Variants in BAIAP2L1 observed in about 807,000 individuals in gnomAD.
The protein encoded by BAIAP2L1 is BAR/IMD domain-containing adapter protein 2-like 1.
A neutral mutation model predicts 66.3 loss-of-function variants in BAIAP2L1; 35 were observed. The observed-to-expected ratio is 0.53, with a 90% CI of 0.40 to 0.70. BAIAP2L1 has a LOEUF of 0.70. BAIAP2L1 is among the 30% of genes least tolerant of loss of function. The pLI is 0.00. For synonymous variants in BAIAP2L1, 269 were observed against 248.7 expected, an observed-to-expected ratio of 1.08 and a Z score of -0.77; for missense variants, 622 against 656.9, an observed-to-expected ratio of 0.95 and a Z score of 0.58.
chr7:98,343,246 A>C (rs1369311014), intron 3 of BAIAP2L1, among the ~76,000 whole-genome samples: 2 of 85,574 alleles, frequency 2.3e-5, no homozygotes, highest in East Asian at 3.6e-4. Flanking sequence ...GGAAAAAAAA[A>C]ATACACACAC....
chr7:98,317,133 G>A (rs898807238), intron 6 of BAIAP2L1, 86 bp downstream of exon 6: 123 of 1,554,592 alleles, frequency 7.9e-5, no homozygotes, highest in East Asian at 2.3e-4. Flanking sequence ...GATTACAGGC[G>A]TGAGCCACCG....
At chr7:98,381,293 G>A (rs1221083035) in intron 1 of BAIAP2L1, among the ~76,000 whole-genome samples, 2 of 152,170 alleles carry the variant, frequency 1.3e-5, no homozygotes, top group African/African-American at 4.8e-5. Context: ...AAAACTCTCC[G>A]TGAGAATTTC....
chr7:98,355,332 C>G lies in BAIAP2L1; in HGVS notation c.128-204G>C, dbSNP rs1382483423. ...CAGCCAAGGGACAGCCCCATGAGATCCTCGTCTCTGACCAGCCCCGGGGAA... is the reference window on the plus strand; with the variant it reads ...CAGCCAAGGGACAGCCCCATGAGATGCTCGTCTCTGACCAGCCCCGGGGAA... On this transcript the variant is annotated intron_variant, in intron 2 of 13. Coordinates refer to ENST00000005260, the MANE Select transcript of BAIAP2L1 (RefSeq NM_018842.5). 6.9e-6 allele frequency: 4 copies of G among 582,222 alleles called. No homozygotes were observed. The African/African-American group carries it at 7.5e-5, about 11-fold the overall frequency. 36.1% of individuals were successfully genotyped at this position (582,222 alleles called of 1,614,324 possible).
chr7:98,387,912 A>C (rs533172225), intron 1 of BAIAP2L1, among the ~76,000 whole-genome samples: 5 of 152,150 alleles, frequency 3.3e-5, no homozygotes, highest in Admixed American at 2.6e-4. Context: ...CAACCAAAAA[A>C]ACCTTCAAGG....
chr7:98,349,762 C>A (rs1263699620), intron 3 of BAIAP2L1, among the ~76,000 whole-genome samples: 3 of 151,416 alleles, frequency 2.0e-5, no homozygotes, highest in Non-Finnish European at 2.9e-5. Flanking sequence ...GTAATCCCAG[C>A]ACTTTGGGAG....
rs138388834 is a variant in BAIAP2L1 at position 98,387,268 on chromosome 7, T to A, written c.51+13534A>T. 3.3e-5 allele frequency among the ~76,000 whole-genome samples: 5 copies of A among 152,272 alleles called. No homozygotes were observed. The East Asian group carries it at 9.7e-4, about 29-fold the overall frequency. On this transcript the variant is annotated intron_variant, in intron 1 of 13. Transcript: ENST00000005260. ...TCCTGTCACAGCTATAAACTCTGGATGGGCACAGACCTTCTTTGTCTTTTC... is the reference window on the plus strand; with the variant it reads ...TCCTGTCACAGCTATAAACTCTGGAAGGGCACAGACCTTCTTTGTCTTTTC...
At chr7:98,293,726 C>T (rs1800066142) in intron 13 of BAIAP2L1, 130 bp from the exon 14 acceptor site, 3 of 842,462 alleles carry the variant, frequency 3.6e-6, no homozygotes, top group Admixed American at 2.2e-5. Flanking sequence ...GTACAGGTCC[C>T]AGCAGCGTTT....
chr7:98,307,376 G>T, intron 10 of BAIAP2L1: 1 of 1,177,632 alleles, frequency 8.5e-7, no homozygotes, highest in Non-Finnish European at 1.1e-6. Flanking sequence ...AAAGTGCTGG[G>T]ATTACAAGCA....
intron 3 of BAIAP2L1, among the ~76,000 whole-genome samples, chr7:98,340,287 T>G (rs1276083859): frequency 6.6e-6 from 1 of 151,934 alleles, no homozygotes; most frequent in Non-Finnish European, 1.5e-5. Context: ...ATAAGTAATA[T>G]TTATTTCTTT....
intron 3 of BAIAP2L1, among the ~76,000 whole-genome samples, chr7:98,333,325 C>T (rs762817350): frequency 3.8e-4 from 58 of 151,800 alleles, no homozygotes; most frequent in African/African-American, 5.3e-4. Context: ...GGGCCAGGTG[C>T]GGTGGCTCAC....
At chr7:98,399,219 G>A (rs1034654120) in intron 1 of BAIAP2L1, among the ~76,000 whole-genome samples, 2 of 152,162 alleles carry the variant, frequency 1.3e-5, no homozygotes, top group African/African-American at 4.8e-5. Context: ...GAATAGAAGA[G>A]TTTTTGGTCA....
intron 3 of BAIAP2L1, among the ~76,000 whole-genome samples, chr7:98,343,274 C>G (rs1053907291): frequency 2.7e-5 from 4 of 150,304 alleles, no homozygotes; most frequent in African/African-American, 9.8e-5. Flanking sequence ...CACACACACA[C>G]ACACACACAC....
In BAIAP2L1 at chr7:98,377,443, G is replaced by A. The variant is rs565794227; in HGVS notation, c.52-15011C>T. The stretch of plus-strand genomic sequence containing the variant: ...CCTGAAACCACCGTGTCAAAGTGCT[G>A]TTTTGCCATGTTCTCCCCAACACTT... On this transcript the variant is annotated intron_variant, in intron 1 of 13. Transcript: ENST00000005260. Among the ~76,000 whole-genome samples, 133 of 152,242 alleles carry A rather than the reference G, an allele frequency of 8.7e-4. 1 individual carries two copies. The highest frequency in any genetic ancestry group is 3.4e-3 in the Middle Eastern group (1 of 294).
intron 6 of BAIAP2L1, among the ~76,000 whole-genome samples, chr7:98,316,838 T>G (rs1801088411): frequency 6.6e-6 from 1 of 151,292 alleles, no homozygotes; most frequent in South Asian, 2.1e-4. Context: ...ATCATTCTAC[T>G]CCCCACTTCC....
chr7:98,293,080 A>G lies in BAIAP2L1; in HGVS notation c.*441T>C. 5 of 626,998 alleles carry G rather than the reference A, an allele frequency of 8.0e-6. No individual in the cohort carries two copies. Among genetic ancestry groups the G allele is most frequent in the Non-Finnish European group, 8.3e-6 (4 of 484,354 alleles). The allele number at this position is 626,998 out of a possible 1,614,324, so 38.8% of individuals were successfully genotyped here. A position where few individuals can be genotyped will look rare whatever the true frequency, so the allele number is the denominator to read the frequency against. On this transcript the variant is annotated 3_prime_UTR_variant, in exon 14 of 14. Transcript: ENST00000005260. ...AATTATGATTTGCATGCTAAGATGCAAACTTACGTGATATCTTCTTTAGAC... is the reference window on the plus strand; with the variant it reads ...AATTATGATTTGCATGCTAAGATGCGAACTTACGTGATATCTTCTTTAGAC...
chr7:98,368,552 G>A (rs187176006), intron 1 of BAIAP2L1, among the ~76,000 whole-genome samples: 33 of 152,280 alleles, frequency 2.2e-4, no homozygotes, highest in African/African-American at 6.5e-4. Context: ...TTAGCTGGGT[G>A]TGGTGGTGCG....
chr7:98,356,994 C>CAAAAAAAAA (rs1171832329), intron 2 of BAIAP2L1, among the ~76,000 whole-genome samples: 71 of 2,426 alleles, frequency 0.029, 28 homozygotes, highest in Non-Finnish European at 0.041. Flanking sequence ...GCCCCTGTCT[C>CAAAAAAAAA]AAAAAAAAAA....
intron 12 of BAIAP2L1, among the ~76,000 whole-genome samples, chr7:98,300,846 C>T (rs1404046456): frequency 1.3e-5 from 2 of 152,200 alleles, no homozygotes; most frequent in Non-Finnish European, 2.9e-5. Context: ...CTTGAGCCCC[C>T]CAAGTCACCG....
intron 11 of BAIAP2L1, among the ~76,000 whole-genome samples, chr7:98,305,321 TAAA>T (rs10708312): frequency 0.025 from 3,670 of 148,188 alleles, 149 homozygotes; most frequent in African/African-American, 0.086. Flanking sequence ...AGCTAAGAGT[TAAA>T]AAAAAAAAAA....
Sources: gnomAD v4.1 joint callset for allele counts (sites outside exome capture counted in the v4.1 genomes callset) on GRCh38, gnomAD v4.1.1 for gene constraint, MANE v1.5 for transcripts, NCBI Gene and HGNC (gene_info 2026-07-23, HGNC 2026-07-21) for gene names.